Variants in ICE1 observed in about 807,000 individuals in gnomAD.
The protein encoded by ICE1 is little elongation complex subunit 1.
ICE1 carries 64 observed loss-of-function variants against 192.7 expected under a neutral mutation model. The observed-to-expected ratio is 0.33, with a 90% CI of 0.27 to 0.41. The LOEUF (loss-of-function observed/expected upper bound fraction) is 0.41, where lower values mean the gene tolerates loss of function less well. Among genes scored for constraint, ICE1 ranks in the 10% least tolerant of loss-of-function variants. The probability of loss-of-function intolerance (pLI) is 1.00; values close to 1 mark genes in which losing one functional copy is unlikely to be tolerated. For synonymous variants in ICE1, 1,010 were observed against 984.5 expected (o/e 1.03, Z -0.49); for missense variants, 2,708 against 2,696.0 (o/e 1.00, Z -0.10).
chr5:5,434,913 A>G (rs1737825458), intron 1 of ICE1, among the ~76,000 whole-genome samples: 1 of 152,242 alleles, frequency 6.6e-6, no homozygotes, highest in Non-Finnish European at 1.5e-5. Context: ...TTTTTAAAAA[A>G]TGTCTATTGA....
chr5:5,447,470 T>G lies in ICE1; in HGVS notation c.468T>G (p.Asn156Lys). The change falls in exon 8 of 19, where the codon AAT becomes AAG. Residue 156 changes from asparagine (N) to lysine (K), a missense_variant. Around this residue, in one of 2 missense-constraint regions of ICE1, gnomAD observed 2,366 missense variants for 2,276.6 expected, o/e 1.04. Coordinates refer to ENST00000296564, the MANE Select transcript of ICE1 (RefSeq NM_015325.3). ...KQTQDFKQLR[N>K]EKKILEKEFK... ...CTCAGGACTTCAAGCAACTGAGAAA[T>G]GAAAAGAAAATACTTGAAAAGGAAT... 6.4e-7 allele frequency: 1 copy of G among 1,552,648 alleles called. No individual in the cohort carries two copies.
intron 1 of ICE1, among the ~76,000 whole-genome samples, chr5:5,435,674 T>TG (rs1737851419): frequency 1.6e-5 from 1 of 61,278 alleles, no homozygotes; most frequent in Admixed American, 1.9e-4. Flanking sequence ...TTTTTTTTTG[T>TG]TTTGTTTTTG....
chr5:5,442,235 A>G (rs183458847), intron 5 of ICE1, among the ~76,000 whole-genome samples: 82 of 152,296 alleles, frequency 5.4e-4, no homozygotes, highest in Non-Finnish European at 9.7e-4. Context: ...AGTAGCAGCC[A>G]CCTGGAATGA....
chr5:5,430,176 G>A (rs1036265766), intron 1 of ICE1, among the ~76,000 whole-genome samples: 9 of 152,168 alleles, frequency 5.9e-5, no homozygotes, highest in African/African-American at 2.2e-4. Context: ...AGGAATGAAT[G>A]TGGGTCAGAG....
intron 15 of ICE1, among the ~76,000 whole-genome samples, chr5:5,469,417 C>T (rs556866438): frequency 2.0e-5 from 3 of 152,134 alleles, no homozygotes; most frequent in Admixed American, 1.3e-4. Flanking sequence ...TTTATGCTGA[C>T]TAGTTTGTTC....
At chr5:5,436,540 G>A (rs1234182359) in intron 2 of ICE1, 64 bp downstream of exon 2, 21 of 894,700 alleles carry the variant, frequency 2.3e-5, no homozygotes, top group Middle Eastern at 2.3e-4. Context: ...TGAAGCAGGC[G>A]GTGCTTTTAG....
At chr5:5,423,758 T>G (rs1053862058) in intron 1 of ICE1, among the ~76,000 whole-genome samples, 5 of 152,190 alleles carry the variant, frequency 3.3e-5, no homozygotes, top group Non-Finnish European at 7.3e-5. Context: ...TTTAACTTCC[T>G]ACTATCGCGG....
chr5:5,464,379 C>T lies in ICE1; in HGVS notation c.5045C>T (p.Ser1682Phe), dbSNP rs1344277913. 6.8e-6 allele frequency: 11 copies of T among 1,613,682 alleles called. No individual in the cohort carries two copies. Among genetic ancestry groups the T allele is most frequent in the Non-Finnish European group, 9.3e-6 (11 of 1,179,810 alleles). The change falls in exon 13 of 19, where the codon TCT (serine) becomes TTT (phenylalanine). Residue 1682 changes from serine (S) to phenylalanine (F), a missense_variant. Physicochemically the swap from Ser to Phe is radical, Grantham distance 155. Coordinates refer to ENST00000296564, the MANE Select transcript of ICE1 (RefSeq NM_015325.3). This position sits in a 1 kb window ranked among gnomAD's most constrained non-coding sequence, Gnocchi z 4.0. ...GAAACCCCAGTGCCTCCTGCCATGT[C>T]TCCATGGCCAGAGGACCCCAGACGT... ...FRETPVPPAM[S>F]PWPEDPRRAS...
chr5:5,458,303 A>C (rs1195109301), intron 12 of ICE1, among the ~76,000 whole-genome samples: 1 of 152,192 alleles, frequency 6.6e-6, no homozygotes, highest in South Asian at 2.1e-4. Flanking sequence ...TGAAAACACC[A>C]TGTGTGCCTG....
At chr5:5,423,484 C>G (rs1489691933) in intron 1 of ICE1, among the ~76,000 whole-genome samples, 1 of 152,216 alleles carries the variant, frequency 6.6e-6, no homozygotes, top group African/African-American at 2.4e-5. Flanking sequence ...GGCGTTTCAG[C>G]TTATAGCAGA....
Position 5,466,445 on chromosome 5 carries a change from C to A in ICE1, c.6004C>A (p.Arg2002=), listed in dbSNP as rs770825015. 1 of 1,613,092 alleles carries A rather than the reference C, an allele frequency of 6.2e-7. No individual in the cohort carries two copies. The highest frequency in any genetic ancestry group is 1.6e-4 in the Middle Eastern group (1 of 6,062). The part of the protein sequence containing the change: ...ALCRVYVGIC[R]QLGDLERARL... ...CTGCAGGGTGTATGTGGGTATTTGT[C>A]GGCAACTCGGAGACTTGGAAAGAGC... The change falls in exon 14 of 19, where the codon CGG becomes AGG. Residue 2002 remains arginine, a synonymous_variant. Transcript: ENST00000296564.
At chr5:5,480,002 T>C (rs1371590035) in intron 17 of ICE1, among the ~76,000 whole-genome samples, 2 of 152,102 alleles carry the variant, frequency 1.3e-5, no homozygotes, top group East Asian at 3.9e-4. Flanking sequence ...ACCTAGATGA[T>C]GGGTTGATAG....
At chr5:5,483,312 T>A (rs985559264) in intron 17 of ICE1, among the ~76,000 whole-genome samples, 2 of 152,136 alleles carry the variant, frequency 1.3e-5, no homozygotes, top group African/African-American at 4.8e-5. Flanking sequence ...TATTCTTAAT[T>A]CAAAATTTGC....
Position 5,457,338 on chromosome 5 carries a change from C to T in ICE1, c.698C>T (p.Pro233Leu), listed in dbSNP as rs867945515. ...GEGSRCVPEKPAKAITSSRVP... is the reference protein window; with the variant it reads ...GEGSRCVPEKLAKAITSSRVP... ...CTTTTGTTCCCCCACATAGAAAAAC[C>T]TGCCAAAGCAATCACCAGCTCCAGA... The change falls in exon 12 of 19, where the codon CCT becomes CTT. Residue 233 changes from proline to leucine, a missense_variant. Around this residue, in one of 2 missense-constraint regions of ICE1, gnomAD observed 2,366 missense variants for 2,276.6 expected, o/e 1.04. Coordinates refer to ENST00000296564, the MANE Select transcript of ICE1 (RefSeq NM_015325.3). 5 of 1,591,814 alleles carry T rather than the reference C, an allele frequency of 3.1e-6. No homozygotes were observed. In the African/African-American group the frequency reaches 6.8e-5, roughly 22 times the overall value.
At chr5:5,483,748 T>G (rs181852159) in intron 17 of ICE1, among the ~76,000 whole-genome samples, 275 of 152,272 alleles carry the variant, frequency 1.8e-3, no homozygotes, top group African/African-American at 6.4e-3. Context: ...TGCCCCTCCT[T>G]GTATTAACTG....
At chr5:5,459,818 T>G (rs772262114) in intron 12 of ICE1, among the ~76,000 whole-genome samples, 2 of 151,948 alleles carry the variant, frequency 1.3e-5, no homozygotes, top group Non-Finnish European at 1.5e-5. Context: ...GGAGACGAGT[T>G]GGGGGTCAGG....
chr5:5,429,368 G>A (rs1205465415), intron 1 of ICE1, among the ~76,000 whole-genome samples: 1 of 152,160 alleles, frequency 6.6e-6, no homozygotes, highest in Admixed American at 6.5e-5. Flanking sequence ...TCAGGTGACA[G>A]CCAATGGCCC....
chr5:5,434,402 C>T (rs1737808994), intron 1 of ICE1, among the ~76,000 whole-genome samples: 1 of 152,328 alleles, frequency 6.6e-6, no homozygotes, highest in Non-Finnish European at 1.5e-5. Flanking sequence ...TCACATAACA[C>T]ACCCAAGAGA....
intron 2 of ICE1, among the ~76,000 whole-genome samples, chr5:5,436,779 C>T (rs549044332): frequency 1.3e-4 from 20 of 152,280 alleles, no homozygotes; most frequent in Admixed American, 1.2e-3. Flanking sequence ...CTCAAACCTC[C>T]TAACAGTATT....
Sources: allele counts gnomAD v4.1 joint callset (sites outside exome capture counted in the v4.1 genomes callset), GRCh38; gene constraint gnomAD v4.1.1; regional missense constraint gnomAD v4.1.1; non-coding constraint Gnocchi (gnomAD v3.1); transcripts MANE v1.5; gene names NCBI Gene and HGNC (gene_info 2026-07-23, HGNC 2026-07-21).